THUMPD2: variants seen among roughly 807,000 people sequenced by gnomAD.
The protein encoded by THUMPD2 is U6 snRNA (guanine-N(2))-methyltransferase THUMPD2.
THUMPD2 carries 56 observed loss-of-function variants against 49.4 expected under a neutral mutation model. The observed-to-expected ratio is 1.13, with a 90% CI of 0.91 to 1.41. The LOEUF is 1.41. Among genes scored for constraint, THUMPD2 ranks in the 40% most tolerant of loss-of-function variants. The probability of loss-of-function intolerance (pLI) is 0.00; values close to 1 mark genes in which losing one functional copy is unlikely to be tolerated. For synonymous variants in THUMPD2, 237 were observed against 205.2 expected (o/e 1.15, Z -1.32); for missense variants, 709 against 594.5 (o/e 1.19, Z -2.00).
At chr2:39,753,396 A>G (rs1675677277) in intron 8 of THUMPD2, among the ~76,000 whole-genome samples, 1 of 152,134 alleles carries the variant, frequency 6.6e-6, no homozygotes, top group Non-Finnish European at 1.5e-5. Context: ...CTCACCTTCC[A>G]GAAGTCCAAG....
rs747354266 is a variant in THUMPD2, at chr2:39,779,122, C to T, written c.118G>A (p.Ala40Thr). 3.3e-6 allele frequency: 5 copies of T among 1,510,748 alleles called. No individual in the cohort carries two copies. Among genetic ancestry groups the T allele is most frequent in the Admixed American group, 4.2e-5 (2 of 48,032 alleles). 93.6% of individuals were successfully genotyped at this position (1,510,748 alleles called of 1,614,324 possible). A position where few individuals can be genotyped will look rare whatever the true frequency, so the allele number is the denominator to read the frequency against. ...CAGCGAGGCCAACTCACCTGCGTGG[C>T]CGCCAGCCGCGCCCGCACCTCTCGC... ...VMREVRARLA[A>T]TQVEYISGKV... The change falls in exon 1 of 10, where the codon GCC becomes ACC. Residue 40 changes from alanine (A) to threonine (T), a missense_variant. Coordinates refer to ENST00000505747, the MANE Select transcript of THUMPD2 (RefSeq NM_025264.5).
chr2:39,753,694 TTC>T (rs967491758), intron 8 of THUMPD2, among the ~76,000 whole-genome samples: 4 of 152,306 alleles, frequency 2.6e-5, no homozygotes, highest in East Asian at 1.9e-4. Context: ...GCTTAGAATG[TTC>T]TCTCTCTCAT....
At chr2:39,765,413 G>T (rs1031198685) in intron 5 of THUMPD2, among the ~76,000 whole-genome samples, 13 of 151,810 alleles carry the variant, frequency 8.6e-5, no homozygotes, top group African/African-American at 3.1e-4. Flanking sequence ...CTGCCTCGGC[G>T]TCCCAAAGTG....
intron 3 of THUMPD2, 134 bp from the exon 4 acceptor site, chr2:39,768,635 A>T: frequency 1.3e-6 from 1 of 786,436 alleles, no homozygotes; most frequent in Non-Finnish European, 2.0e-6. Flanking sequence ...TTCTGATATT[A>T]AAATTGTACA....
intron 2 of THUMPD2, among the ~76,000 whole-genome samples, chr2:39,771,011 ATGCCCCCTT>A (rs1399206437): frequency 5.4e-5 from 3 of 55,614 alleles, no homozygotes; most frequent in Non-Finnish European, 1.4e-4. Context: ...GGAATCTCTT[ATGCCCCCTT>A]TACCTCTAAT....
Position 39,761,401 on chromosome 2 carries a change from C to G in THUMPD2, c.821G>C (p.Arg274Thr), listed in dbSNP as rs1419685092. 1.2e-6 allele frequency: 2 copies of G among 1,613,642 alleles called. No individual in the cohort carries two copies. The highest frequency in any genetic ancestry group is 2.7e-5 in the African/African-American group (2 of 74,892). Residue 274 changes from arginine to threonine, a missense_variant, in exon 6 of 10, where the codon AGA becomes ACA. Arg to Thr is a moderately conservative substitution (Grantham distance 71, BLOSUM62 -1). Coordinates refer to ENST00000505747, the MANE Select transcript of THUMPD2 (RefSeq NM_025264.5). ...IPVFRVSLAS[R>T]AYIKTAGLRS... The stretch of plus-strand genomic sequence containing the variant: ...CAGTCCAGCTGTCTTGATGTAAGCT[C>G]TGCTGGCTAGGGAAACCCTACAAAG...
intron 8 of THUMPD2, 50 bp from the exon 9 acceptor site, chr2:39,744,528 C>T (rs749621267): frequency 1.7e-6 from 2 of 1,188,234 alleles, no homozygotes; most frequent in South Asian, 1.5e-5. Flanking sequence ...CAAATATTTA[C>T]AACTTAAATA....
At chr2:39,752,887 T>G (rs888458970) in intron 8 of THUMPD2, among the ~76,000 whole-genome samples, 3 of 152,210 alleles carry the variant, frequency 2.0e-5, no homozygotes, top group East Asian at 3.9e-4. Flanking sequence ...TGTGACCTGT[T>G]TTAAGGTTTA....
rs188882606 is a variant in THUMPD2 at position 39,769,724 on chromosome 2, C to T, written c.658G>A (p.Ala220Thr). 1.3e-6 allele frequency: 2 copies of T among 1,569,186 alleles called. No individual in the cohort carries two copies. Among genetic ancestry groups the T allele is most frequent in the African/African-American group, 1.4e-5 (1 of 71,894 alleles). The change falls in exon 3 of 10, where the codon GCC (alanine) becomes ACC (threonine). Residue 220 changes from alanine to threonine, a missense_variant. Coordinates refer to ENST00000505747, the MANE Select transcript of THUMPD2 (RefSeq NM_025264.5). ...TGCAAGCATACCTGTGCAGTGAAGG[C>T]CTTTCCAATAGTTCCACTGCAGCGA... ...SCRCSGTIGK[A>T]FTAQEVGKVI...
rs1453503858 is a variant in THUMPD2 at position 39,769,707 on chromosome 2, T to C, written c.672+3A>G. The C allele has an allele frequency of 1.9e-6, 3 of 1,542,064 alleles. No individual in the cohort carries two copies. The highest frequency in any genetic ancestry group is 2.6e-6 in the Non-Finnish European group (3 of 1,153,174). ...CAGACTCCACTTTAGGATGCAAGCA[T>C]ACCTGTGCAGTGAAGGCCTTTCCAA... On this transcript the variant is annotated splice_donor_region_variant and intron_variant, in intron 3 of 9. Transcript: ENST00000505747.
intron 9 of THUMPD2, among the ~76,000 whole-genome samples, chr2:39,737,285 G>A (rs1673220160): frequency 7.3e-6 from 1 of 137,168 alleles, no homozygotes; most frequent in Non-Finnish European, 1.6e-5. Flanking sequence ...TACTCAAAAG[G>A]CAAGCCTCAA....
At chr2:39,759,063 A>C (rs1198717946) in intron 6 of THUMPD2, among the ~76,000 whole-genome samples, 2 of 152,150 alleles carry the variant, frequency 1.3e-5, no homozygotes, top group Admixed American at 1.3e-4. Flanking sequence ...AATAACTAAA[A>C]ATGCAGGGCC....
chr2:39,748,087 G>C (rs902136059), intron 8 of THUMPD2, among the ~76,000 whole-genome samples: 1 of 152,152 alleles, frequency 6.6e-6, no homozygotes, highest in Non-Finnish European at 1.5e-5. Flanking sequence ...ATGTCTTCCT[G>C]CTGCCAGCTT....
intron 1 of THUMPD2, 51 bp from the exon 2 acceptor site, chr2:39,771,691 C>T (rs1022902902): frequency 6.5e-7 from 1 of 1,536,966 alleles, no homozygotes; most frequent in Non-Finnish European, 8.8e-7. Context: ...GTGAAAAAAC[C>T]ATATTTTTTC....
chr2:39,739,677 G>T (rs991531872), intron 9 of THUMPD2, among the ~76,000 whole-genome samples: 1 of 152,208 alleles, frequency 6.6e-6, no homozygotes, highest in Admixed American at 6.5e-5. Flanking sequence ...CTGGGGAAGG[G>T]ATAAATGAAT....
intron 8 of THUMPD2, among the ~76,000 whole-genome samples, chr2:39,744,947 T>A (rs947814760): frequency 1.3e-5 from 2 of 152,196 alleles, no homozygotes; most frequent in African/African-American, 4.8e-5. Context: ...AGAATATCTA[T>A]TAAGTCCTAA....
rs1170153073 is a variant in THUMPD2 at position 39,736,065 on chromosome 2, C to T, written c.*670G>A. ...AACATTAAACCAGAGCATATATTCT[C>T]CTCAAACTTACTGTTTCTTTTTCTC... On this transcript the variant is annotated 3_prime_UTR_variant, in exon 10 of 10. Transcript: ENST00000505747. 6.6e-6 allele frequency: 1 copy of T among 152,236 alleles called. No homozygotes were observed. Among genetic ancestry groups the T allele is most frequent in the Non-Finnish European group, 1.5e-5 (1 of 68,040 alleles). The allele number at this position is 152,236 out of a possible 1,614,324, so 9.4% of individuals were successfully genotyped here.
At chr2:39,765,307 CTGCT>C (rs2148312946) in intron 5 of THUMPD2, among the ~76,000 whole-genome samples, 1 of 152,098 alleles carries the variant, frequency 6.6e-6, no homozygotes, top group African/African-American at 2.4e-5. Context: ...TTACAGGTGC[CTGCT>C]ACCATACCCA....
At chr2:39,747,865 C>T (rs1190568108) in intron 8 of THUMPD2, among the ~76,000 whole-genome samples, 2 of 151,990 alleles carry the variant, frequency 1.3e-5, no homozygotes, top group East Asian at 3.9e-4. Context: ...ATTGTTTTAC[C>T]AAATTTAGAT....
Sources: allele counts gnomAD v4.1 joint callset (sites outside exome capture counted in the v4.1 genomes callset), GRCh38; gene constraint gnomAD v4.1.1; transcripts MANE v1.5; gene names NCBI Gene and HGNC (gene_info 2026-07-23, HGNC 2026-07-21).